The following IFT52 variants were observed in gnomAD, a reference collection of about 807,000 sequenced individuals.
IFT52 encodes intraflagellar transport 52, also known as intraflagellar transport protein 52 homolog.
In IFT52, 44 loss-of-function variants were observed where a neutral mutation model predicts 54.4. The ratio of observed to expected loss-of-function variants is 0.81; its 90% CI spans 0.63 to 1.04. The LOEUF is 1.04. Among genes scored for constraint, IFT52 ranks in the 50% least tolerant of loss-of-function variants. IFT52 has a pLI of 0.00. For missense variants in IFT52, 452 were observed against 523.6 expected (o/e 0.86, Z 1.33); for synonymous variants, 181 against 185.3 (o/e 0.98, Z 0.19).
chr20:43,624,975 G>T (rs116034412), intron 10 of IFT52, among the ~76,000 whole-genome samples: 2 of 152,042 alleles, frequency 1.3e-5, no homozygotes, highest in Admixed American at 1.3e-4. Context: ...TTCTCCTTGT[G>T]CCTTGCTTAT....
chr20:43,622,655 A>AT (rs1984395015), intron 9 of IFT52, among the ~76,000 whole-genome samples: 1 of 147,634 alleles, frequency 6.8e-6, no homozygotes, highest in Non-Finnish European at 1.5e-5. Context: ...ATTTATATAT[A>AT]TTTTATATGT....
At position 43,614,092 on chromosome 20, in the gene IFT52, C is replaced by T. The variant is rs1983668507; in HGVS notation, c.612+116C>T. On this transcript the variant is annotated intron_variant, in intron 7 of 13. Transcript: ENST00000373030. ...TTTTCTCACTGGTCTTCCTGCCAGT[C>T]CTGCAAAGTAGCATTTCAGCTATAT... is the stretch of plus-strand genomic sequence containing the variant. 4.5e-6 allele frequency: 4 copies of T among 890,240 alleles called. No homozygotes were observed. In the South Asian group the frequency reaches 5.0e-5, roughly 11 times the overall value. The allele number at this position is 890,240 out of a possible 1,614,324, so 55.1% of individuals were successfully genotyped here. A position where few individuals can be genotyped will look rare whatever the true frequency, so the allele number is the denominator to read the frequency against.
At chr20:43,592,081 G>T (rs1298483221) in intron 1 of IFT52, among the ~76,000 whole-genome samples, 1 of 152,158 alleles carries the variant, frequency 6.6e-6, no homozygotes, top group Admixed American at 6.5e-5. Flanking sequence ...CCAGTCGAGC[G>T]AGGTGGCTCA....
intron 12 of IFT52, among the ~76,000 whole-genome samples, chr20:43,638,651 AC>A (rs1388745042): frequency 2.0e-5 from 3 of 152,228 alleles, no homozygotes; most frequent in Non-Finnish European, 4.4e-5. Context: ...ATAGAAAAAA[AC>A]TATAAATTTG....
At chr20:43,627,084 T>C (rs1984777341) in intron 10 of IFT52, among the ~76,000 whole-genome samples, 1 of 151,750 alleles carries the variant, frequency 6.6e-6, no homozygotes, top group South Asian at 2.1e-4. Flanking sequence ...GGAGAGTCAC[T>C]TGAACCCGGG....
chr20:43,612,481 T>G (rs1362039512), intron 6 of IFT52, among the ~76,000 whole-genome samples: 2 of 151,934 alleles, frequency 1.3e-5, no homozygotes, highest in African/African-American at 4.8e-5. Flanking sequence ...TTGCCTGAGC[T>G]CAGGAGTTCA....
At chr20:43,635,700 T>G (rs1212618468) in intron 10 of IFT52, among the ~76,000 whole-genome samples, 1 of 152,240 alleles carries the variant, frequency 6.6e-6, no homozygotes, top group African/African-American at 2.4e-5. Flanking sequence ...ATGTCTTTGC[T>G]ATTGTGAATA....
chr20:43,610,263 G>C (rs1983322736), intron 6 of IFT52, among the ~76,000 whole-genome samples: 1 of 138,238 alleles, frequency 7.2e-6, no homozygotes, highest in African/African-American at 2.8e-5. Context: ...CTGCACTCCA[G>C]CCTGGGCGAC....
intron 10 of IFT52, among the ~76,000 whole-genome samples, chr20:43,629,189 T>A (rs1186208014): frequency 2.0e-5 from 3 of 152,260 alleles, no homozygotes; most frequent in Non-Finnish European, 4.4e-5. Context: ...CAGTAACTGC[T>A]ATAATTGTGG....
chr20:43,605,411 G>A (rs776202850), intron 6 of IFT52, among the ~76,000 whole-genome samples: 30 of 152,186 alleles, frequency 2.0e-4, no homozygotes, highest in Non-Finnish European at 4.0e-4. Context: ...GCCAGGCGTG[G>A]TGGTGTGCAC....
intron 4 of IFT52, 65 bp from the exon 5 acceptor site, chr20:43,604,118 A>G: frequency 1.5e-6 from 2 of 1,332,632 alleles, no homozygotes; most frequent in Non-Finnish European, 2.2e-6. Flanking sequence ...CAAAATTGGT[A>G]TGAGTCTATA....
intron 6 of IFT52, among the ~76,000 whole-genome samples, chr20:43,606,315 C>G (rs1234288985): frequency 6.7e-6 from 1 of 149,058 alleles, no homozygotes; most frequent in East Asian, 2.0e-4. Context: ...ACTCTGTCAC[C>G]CAGGCTGGAG....
At chr20:43,613,193 T>C (rs748273861) in intron 6 of IFT52, among the ~76,000 whole-genome samples, 1 of 152,176 alleles carries the variant, frequency 6.6e-6, no homozygotes, top group Non-Finnish European at 1.5e-5. Context: ...TCCAGTGATA[T>C]ACATTAATTC....
At chr20:43,629,333 C>T (rs376103412) in intron 10 of IFT52, among the ~76,000 whole-genome samples, 10 of 98,870 alleles carry the variant, frequency 1.0e-4, no homozygotes, top group Non-Finnish European at 1.4e-4. Context: ...AGTGCAGTGG[C>T]GCCATCTCGA....
At position 43,623,899 on chromosome 20, in the gene IFT52, C is replaced by T. The variant is rs769535724; in HGVS notation, c.777C>T (p.Asp259=). ...QIDAEDPEIS[D]YMMLPYTATL... Reference sequence around the variant, plus strand: ...CCTCTTGTGGCTTTCAGATTTCTGACTACATGATGCTGCCCTACACAGCCA... The same window carrying T: ...CCTCTTGTGGCTTTCAGATTTCTGATTACATGATGCTGCCCTACACAGCCA... Residue 259 remains aspartate (D), a synonymous_variant, in exon 10 of 14, where the codon GAC becomes GAT. Coordinates refer to ENST00000373030, the MANE Select transcript of IFT52 (RefSeq NM_016004.5). 6.2e-7 allele frequency: 1 copy of T among 1,613,802 alleles called. No individual in the cohort carries two copies.
chr20:43,598,139 A>G (rs1047051298), intron 3 of IFT52, among the ~76,000 whole-genome samples: 1 of 152,202 alleles, frequency 6.6e-6, no homozygotes, highest in African/African-American at 2.4e-5. Context: ...TACATGCTAC[A>G]CATGGATGAA....
intron 5 of IFT52, 145 bp from the exon 6 acceptor site, chr20:43,604,857 T>C (rs544872612): frequency 1.5e-6 from 1 of 679,978 alleles, no homozygotes; most frequent in South Asian, 1.7e-5. Flanking sequence ...TGGAATGCAG[T>C]GGTGGGAACA....
At position 43,608,857 on chromosome 20, in the gene IFT52, G is replaced by A. The variant is rs1322852568; in HGVS notation, c.485+3784G>A. Among the ~76,000 whole-genome samples, 9 of 152,170 alleles carry A rather than the reference G, an allele frequency of 5.9e-5. 1 individual carries two copies. The highest frequency in any genetic ancestry group is 5.2e-4 in the Admixed American group (8 of 15,268). On this transcript the variant is annotated intron_variant, in intron 6 of 13. Transcript: ENST00000373030. ...CAGGAAGCAGAGGTGGCAGTGAGCC[G>A]AGATTGCGCCGCTGCACTCCAGCCT...
rs1037827079 is a variant in IFT52, at chr20:43,636,043, G to T, written c.1011+30G>T. ...GTAGGTGTGCTTGGGAGATCCCACT[G>T]CAGAGCCCCACTGTTGCCCTTATCT... On this transcript the variant is annotated intron_variant, in intron 11 of 13. Coordinates refer to ENST00000373030, the MANE Select transcript of IFT52 (RefSeq NM_016004.5). The T allele has an allele frequency of 2.5e-6, 4 of 1,600,536 alleles. No individual in the cohort carries two copies. The African/African-American group carries it at 5.4e-5, about 21-fold the overall frequency.
Sources: gnomAD v4.1 joint callset for allele counts (sites outside exome capture counted in the v4.1 genomes callset) on GRCh38, gnomAD v4.1.1 for gene constraint, MANE v1.5 for transcripts, NCBI Gene and HGNC (gene_info 2026-07-23, HGNC 2026-07-21) for gene names.